Variants in DCDC1 observed in about 807,000 individuals in gnomAD.
The protein encoded by DCDC1 is doublecortin domain containing 1.
Under a neutral mutation model 178.3 loss-of-function variants are expected in DCDC1, and 200 were observed. The ratio of observed to expected loss-of-function variants is 1.12; its 90% CI spans 1.00 to 1.26. The LOEUF (loss-of-function observed/expected upper bound fraction) is 1.26, where lower values mean the gene tolerates loss of function less well. Ranked by LOEUF, DCDC1 falls within the 50% of genes most tolerant of loss-of-function variation. The probability of loss-of-function intolerance (pLI) is 0.00; values close to 1 mark genes in which losing one functional copy is unlikely to be tolerated. For missense variants in DCDC1, 1,983 were observed against 1,749.2 expected, an observed-to-expected ratio of 1.13 and a Z score of -2.38; for synonymous variants, 690 against 604.8, an observed-to-expected ratio of 1.14 and a Z score of -2.07.
chr11:30,886,436 G>A (rs1943176406), intron 36 of DCDC1, among the ~76,000 whole-genome samples: 1 of 152,124 alleles, frequency 6.6e-6, no homozygotes. Flanking sequence ...CTTAAACAAT[G>A]AGAATTTATT....
chr11:30,925,159 A>G (rs1946514605), intron 23 of DCDC1, 150 bp downstream of exon 23: 5 of 671,840 alleles, frequency 7.4e-6, no homozygotes, highest in Non-Finnish European at 1.2e-5. Flanking sequence ...AGCTGTTAGT[A>G]TTACTTTCTG....
intron 9 of DCDC1, among the ~76,000 whole-genome samples, chr11:31,214,908 T>C (rs1973344914): frequency 6.6e-6 from 1 of 151,792 alleles, no homozygotes; most frequent in African/African-American, 2.4e-5. Flanking sequence ...AAAACTTCCA[T>C]AATTAAATAT....
At chr11:31,310,697 C>T (rs920781841) in intron 3 of DCDC1, among the ~76,000 whole-genome samples, 3 of 152,098 alleles carry the variant, frequency 2.0e-5, no homozygotes, top group Non-Finnish European at 2.9e-5. Context: ...AGGATGATTA[C>T]ATACCCTTGC....
chr11:31,261,452 T>A (rs1272183352), intron 8 of DCDC1, among the ~76,000 whole-genome samples: 1 of 152,282 alleles, frequency 6.6e-6, no homozygotes, highest in African/African-American at 2.4e-5. Flanking sequence ...TCCACATCCC[T>A]GGACTCAACC....
At chr11:31,352,635 C>T (rs1951132891) in intron 1 of DCDC1, among the ~76,000 whole-genome samples, 1 of 152,116 alleles carries the variant, frequency 6.6e-6, no homozygotes, top group Admixed American at 6.5e-5. Context: ...TTTGAGTTAA[C>T]TTGAAAGTTC....
At chr11:30,873,788 G>C (rs754710167) in intron 38 of DCDC1, among the ~76,000 whole-genome samples, 44 of 152,164 alleles carry the variant, frequency 2.9e-4, no homozygotes, top group Non-Finnish European at 4.4e-4. Context: ...ACTCCAGGAA[G>C]CTGGTTATTT....
chr11:30,929,832 A>G (rs1946821969), intron 22 of DCDC1, among the ~76,000 whole-genome samples: 1 of 152,142 alleles, frequency 6.6e-6, no homozygotes, highest in South Asian at 2.1e-4. Context: ...TAAACTCGAC[A>G]GTCACTATTA....
At chr11:31,282,434 T>C (rs1177853315) in intron 7 of DCDC1, among the ~76,000 whole-genome samples, 2 of 151,522 alleles carry the variant, frequency 1.3e-5, no homozygotes, top group Non-Finnish European at 2.9e-5. Context: ...TAATTTTAAA[T>C]ATAATCAATT....
intron 34 of DCDC1, 83 bp downstream of exon 34, chr11:30,899,458 T>G: frequency 1.3e-6 from 1 of 787,382 alleles, no homozygotes; most frequent in Non-Finnish European, 1.8e-6. Flanking sequence ...ACACTTGGTA[T>G]CTAATGGTAG....
rs769045069 is a variant in DCDC1, at chr11:31,103,779, G to T, written c.1752-10C>A. ...AAGATTTAGTGGAGATCTGAAAAAC[G>T]GATAAAACATCAAAACTATCTTCAA... On this transcript the variant is annotated splice_polypyrimidine_tract_variant and intron_variant, in intron 13 of 38. Coordinates refer to ENST00000684477, the MANE Select transcript of DCDC1 (RefSeq NM_001387274.1). 2.6e-6 allele frequency: 2 copies of T among 756,480 alleles called. No homozygotes were observed. Among genetic ancestry groups the T allele is most frequent in the East Asian group, 2.4e-5 (1 of 40,956 alleles). 46.9% of individuals were successfully genotyped at this position (756,480 alleles called of 1,614,324 possible).
chr11:31,359,338 A>G (rs1300171756), intron 1 of DCDC1, among the ~76,000 whole-genome samples: 1 of 151,706 alleles, frequency 6.6e-6, no homozygotes, highest in Non-Finnish European at 1.5e-5. Flanking sequence ...GCAAGAACAA[A>G]AAACCAAACA....
intron 20 of DCDC1, among the ~76,000 whole-genome samples, chr11:30,973,998 A>T (rs1281093648): frequency 6.6e-6 from 1 of 152,182 alleles, no homozygotes; most frequent in Non-Finnish European, 1.5e-5. Flanking sequence ...ACACAAAACA[A>T]GTCCCAACAT....
At chr11:31,227,607 A>T (rs1975163519) in intron 9 of DCDC1, among the ~76,000 whole-genome samples, 4 of 152,174 alleles carry the variant, frequency 2.6e-5, no homozygotes, top group African/African-American at 4.8e-5. Flanking sequence ...ATGATAAACA[A>T]ATGAGACAAA....
chr11:31,139,110 A>G (rs1023913418), intron 9 of DCDC1, among the ~76,000 whole-genome samples: 5 of 152,118 alleles, frequency 3.3e-5, no homozygotes, highest in African/African-American at 9.7e-5. Context: ...ATATATATAC[A>G]CACACATTAT....
chr11:31,075,657 T>A (rs1373550385), intron 18 of DCDC1, among the ~76,000 whole-genome samples: 1 of 152,244 alleles, frequency 6.6e-6, no homozygotes, highest in African/African-American at 2.4e-5. Context: ...TTAAGCATTT[T>A]TTATACCCTT....
chr11:31,210,053 G>T (rs1215002671), intron 9 of DCDC1, among the ~76,000 whole-genome samples: 2 of 152,084 alleles, frequency 1.3e-5, no homozygotes, highest in Non-Finnish European at 2.9e-5. Flanking sequence ...CTGCTACATG[G>T]GGGGTATCCG....
chr11:30,916,618 A>G lies in DCDC1; in HGVS notation c.3452+252T>C, dbSNP rs1945851813. ...AAGTTGTCAGGAGGCAAAGGTGGAT[A>G]AGCATACTGTTTAATAGAAAAAAAC... On this transcript the variant is annotated intron_variant, in intron 26 of 38. Coordinates refer to ENST00000684477, the MANE Select transcript of DCDC1 (RefSeq NM_001387274.1). 2.6e-5 allele frequency among the ~76,000 whole-genome samples: 4 copies of G among 152,310 alleles called. No homozygotes were observed. In the South Asian group the frequency reaches 8.3e-4, roughly 32 times the overall value.
chr11:30,887,533 T>C (rs774621591), intron 36 of DCDC1, among the ~76,000 whole-genome samples: 13 of 152,342 alleles, frequency 8.5e-5, no homozygotes, highest in East Asian at 3.9e-4. Context: ...TATGTTGGCA[T>C]TGAAGTGTTC....
intron 15 of DCDC1, among the ~76,000 whole-genome samples, chr11:31,098,709 A>C (rs569597887): frequency 1.7e-4 from 26 of 152,308 alleles, no homozygotes; most frequent in African/African-American, 6.3e-4. Context: ...GCCTGAATCC[A>C]TCTTTAAAAG....
Sources: gnomAD v4.1 joint callset for allele counts (sites outside exome capture counted in the v4.1 genomes callset) on GRCh38, gnomAD v4.1.1 for gene constraint, MANE v1.5 for transcripts, NCBI Gene and HGNC (gene_info 2026-07-23, HGNC 2026-07-21) for gene names.